RFPL1: variants seen among roughly 807,000 people sequenced by gnomAD.
RFPL1 encodes ret finger protein like 1.
In RFPL1, 6 loss-of-function variants were observed where a neutral mutation model predicts 9.6. The observed-to-expected ratio is 0.62, with a 90% CI of 0.34 to 1.23. RFPL1 has a LOEUF of 1.23. RFPL1 is among the 50% of genes most tolerant of loss of function. RFPL1 has a pLI of 0.03. For synonymous variants in RFPL1, 145 were observed against 149.4 expected (o/e 0.97, Z 0.22); for missense variants, 352 against 398.4 (o/e 0.88, Z 0.99).
the RFPL1 span, among the ~76,000 whole-genome samples, chr22:29,401,150 C>G: frequency 3.3e-5 from 5 of 152,304 alleles, no homozygotes; most frequent in East Asian, 9.6e-4. Flanking sequence ...ATTGTATATG[C>G]TGTTATGACA....
the RFPL1 span, among the ~76,000 whole-genome samples, chr22:29,409,187 T>G: frequency 1.3e-5 from 2 of 152,172 alleles, no homozygotes; most frequent in Admixed American, 6.6e-5. Flanking sequence ...TGTTACAATC[T>G]CATCTTAGAA....
chr22:29,390,385 A>G, the RFPL1 span, among the ~76,000 whole-genome samples: 1 of 152,108 alleles, frequency 6.6e-6, no homozygotes, highest in South Asian at 2.1e-4. Flanking sequence ...AAGCAGCCTC[A>G]AAGCCTTTAA....
chr22:29,391,778 C>T, the RFPL1 span, among the ~76,000 whole-genome samples: 1 of 152,194 alleles, frequency 6.6e-6, no homozygotes, highest in African/African-American at 2.4e-5. Context: ...CGGGCCCACC[C>T]CCACGCCCAG....
At chr22:29,424,786 C>A in the RFPL1 span, among the ~76,000 whole-genome samples, 1 of 149,192 alleles carries the variant, frequency 6.7e-6, no homozygotes, top group Non-Finnish European at 1.5e-5. Context: ...TGAGCCACAG[C>A]ACTCCAGCGT....
the RFPL1 span, among the ~76,000 whole-genome samples, chr22:29,400,621 G>C: frequency 1.3e-5 from 2 of 152,156 alleles, no homozygotes; most frequent in Admixed American, 6.5e-5. Flanking sequence ...TCTTTATGGG[G>C]GGGGAATGAA....
rs201219707 is a variant in RFPL1, at chr22:29,438,752, G to A, written c.-40G>A. ...CTTGAGTGTTTGTACTCATGGTCTT[G>A]TTCTAGAAGTGACAAAGCTGGGACA... On this transcript the variant is annotated 5_prime_UTR_variant, in exon 1 of 2. Coordinates refer to ENST00000354373, the Ensembl canonical transcript of RFPL1. The A allele has an allele frequency of 6.3e-6, 10 of 1,596,582 alleles. No homozygotes were observed. The Admixed American group carries it at 1.2e-4, about 19-fold the overall frequency.
At chr22:29,403,750 T>TA in the RFPL1 span, among the ~76,000 whole-genome samples, 1 of 152,208 alleles carries the variant, frequency 6.6e-6, no homozygotes, top group Non-Finnish European at 1.5e-5. Context: ...TCTCTCCTAT[T>TA]AAGTGAAATT....
At chr22:29,395,692 G>T in the RFPL1 span, among the ~76,000 whole-genome samples, 1 of 152,020 alleles carries the variant, frequency 6.6e-6, no homozygotes, top group Non-Finnish European at 1.5e-5. Context: ...CAGGCTCTCA[G>T]ATGGGCACAG....
chr22:29,413,368 G>A, the RFPL1 span, among the ~76,000 whole-genome samples: 2 of 152,036 alleles, frequency 1.3e-5, no homozygotes, highest in African/African-American at 4.8e-5. Flanking sequence ...TGGTACATGT[G>A]CTAAAAGACT....
the RFPL1 span, among the ~76,000 whole-genome samples, chr22:29,410,430 G>GATATATATATCTATATATA: frequency 2.6e-5 from 2 of 75,846 alleles, no homozygotes; most frequent in African/African-American, 1.1e-4. Flanking sequence ...TATATATATT[G>GATATATATATCTATATATA]TAGATATATA....
At chr22:29,404,854 G>A in the RFPL1 span, among the ~76,000 whole-genome samples, 1 of 152,036 alleles carries the variant, frequency 6.6e-6, no homozygotes, top group Non-Finnish European at 1.5e-5. Flanking sequence ...AGTCTTCCAC[G>A]TACCTAGGTA....
chr22:29,408,050 C>A, the RFPL1 span, among the ~76,000 whole-genome samples: 1 of 152,172 alleles, frequency 6.6e-6, no homozygotes, highest in African/African-American at 2.4e-5. Flanking sequence ...TTAAAATGCA[C>A]ACTTAATAAT....
chr22:29,397,099 T>C, the RFPL1 span, among the ~76,000 whole-genome samples: 4 of 146,462 alleles, frequency 2.7e-5, no homozygotes, highest in African/African-American at 7.6e-5. Context: ...TTAGTAGAGA[T>C]GGTGTTTCAC....
the RFPL1 span, among the ~76,000 whole-genome samples, chr22:29,426,713 A>G: frequency 1.3e-5 from 2 of 152,200 alleles, no homozygotes; most frequent in South Asian, 4.1e-4. Flanking sequence ...GTGCCATTGC[A>G]CTCCGGCCAG....
the RFPL1 span, among the ~76,000 whole-genome samples, chr22:29,414,535 G>A: frequency 6.6e-6 from 1 of 152,022 alleles, no homozygotes; most frequent in South Asian, 2.1e-4. Flanking sequence ...CAATTATTAG[G>A]CAATTTTCCT....
At chr22:29,427,189 G>T in the RFPL1 span, among the ~76,000 whole-genome samples, 9 of 152,358 alleles carry the variant, frequency 5.9e-5, no homozygotes, top group South Asian at 8.3e-4. Context: ...ACTGAGGGGG[G>T]GCCTGACAGT....
At chr22:29,432,542 G>A in the RFPL1 span, among the ~76,000 whole-genome samples, 10 of 152,236 alleles carry the variant, frequency 6.6e-5, no homozygotes, top group South Asian at 2.1e-4. Context: ...AGCGTCTCTC[G>A]GTCGCCGGCT....
the RFPL1 span, among the ~76,000 whole-genome samples, chr22:29,414,133 T>A: frequency 6.6e-6 from 1 of 152,130 alleles, no homozygotes; most frequent in South Asian, 2.1e-4. Flanking sequence ...GCCTCAACTT[T>A]CTGACTTATT....
At chr22:29,408,673 C>A in the RFPL1 span, among the ~76,000 whole-genome samples, 9 of 152,180 alleles carry the variant, frequency 5.9e-5, no homozygotes, top group Non-Finnish European at 8.8e-5. Context: ...ATTCAGGCCT[C>A]AGTGTCATGG....
Sources: gnomAD v4.1 joint callset for allele counts (sites outside exome capture counted in the v4.1 genomes callset) on GRCh38, gnomAD v4.1.1 for gene constraint, MANE v1.5 for transcripts, NCBI Gene and HGNC (gene_info 2026-07-23, HGNC 2026-07-21) for gene names.